MRPS27: variants seen among roughly 807,000 people sequenced by gnomAD.
MRPS27 encodes the protein small ribosomal subunit protein mS27.
A neutral mutation model predicts 48.9 loss-of-function variants in MRPS27; 43 were observed. The observed-to-expected ratio is 0.88, with a 90% CI of 0.69 to 1.13. The LOEUF (loss-of-function observed/expected upper bound fraction) is 1.13, where lower values mean the gene tolerates loss of function less well. Among genes scored for constraint, MRPS27 ranks in the 50% most tolerant of loss-of-function variants. The probability of loss-of-function intolerance (pLI) is 0.00; values close to 1 mark genes in which losing one functional copy is unlikely to be tolerated. For synonymous variants in MRPS27, 188 were observed against 171.9 expected, an observed-to-expected ratio of 1.09 and a Z score of -0.73; for missense variants, 467 against 476.3, an observed-to-expected ratio of 0.98 and a Z score of 0.18.
At chr5:72,228,127 G>A (rs1231805666) in intron 8 of MRPS27, 139 bp downstream of exon 8, 3 of 723,836 alleles carry the variant, frequency 4.1e-6, no homozygotes, top group Non-Finnish European at 7.0e-6. Context: ...GGCCATCAAG[G>A]TCTATTTTTA....
In MRPS27 at chr5:72,290,929, G is replaced by A. The variant is rs146042895; in HGVS notation, c.281+4602C>T. ...CACAGAACCTTTGCTGCTACCACTGGGAAAGAGCATGACTTCTTACCTCAC... is the reference window on the plus strand; with the variant it reads ...CACAGAACCTTTGCTGCTACCACTGAGAAAGAGCATGACTTCTTACCTCAC... On this transcript the variant is annotated intron_variant, in intron 4 of 10. Transcript: ENST00000261413. Among the ~76,000 whole-genome samples the A allele has an allele frequency of 1.1e-4, 16 of 152,212 alleles. No homozygotes were observed. The East Asian group carries it at 2.7e-3, about 26-fold the overall frequency.
intron 4 of MRPS27, chr5:72,241,769 T>C (rs1309713089): frequency 4.3e-5 from 59 of 1,370,120 alleles, no homozygotes; most frequent in Non-Finnish European, 5.8e-5. Flanking sequence ...CTGGCTTTTG[T>C]TCTCGCCTGC....
At chr5:72,286,626 A>G (rs921784172) in intron 4 of MRPS27, among the ~76,000 whole-genome samples, 4 of 152,104 alleles carry the variant, frequency 2.6e-5, no homozygotes, top group African/African-American at 9.7e-5. Context: ...ATTTTGCTCA[A>G]CCGTTTTTAA....
At chr5:72,297,304 C>T (rs547780314) in intron 3 of MRPS27, among the ~76,000 whole-genome samples, 27 of 152,072 alleles carry the variant, frequency 1.8e-4, no homozygotes, top group Non-Finnish European at 3.4e-4. Context: ...CCAATACTAA[C>T]GGGTAAATAT....
At chr5:72,296,236 G>GAA (rs200647191) in intron 3 of MRPS27, among the ~76,000 whole-genome samples, 1 of 149,150 alleles carries the variant, frequency 6.7e-6, no homozygotes, top group African/African-American at 2.5e-5. Context: ...AGGCAAAAAA[G>GAA]AAAAAAAAAG....
At chr5:72,304,296 G>GA (rs1422269599) in intron 2 of MRPS27, among the ~76,000 whole-genome samples, 2 of 151,020 alleles carry the variant, frequency 1.3e-5, no homozygotes, top group East Asian at 3.9e-4. Flanking sequence ...AAAAAATAAA[G>GA]AAAAAAAAGA....
chr5:72,299,513 A>G (rs1027606123), intron 2 of MRPS27, among the ~76,000 whole-genome samples: 1 of 152,252 alleles, frequency 6.6e-6, no homozygotes, highest in Middle Eastern at 3.2e-3. Flanking sequence ...TATTAGCTAT[A>G]TATCAGGTTA....
At chr5:72,236,176 A>T (rs558575438) in intron 5 of MRPS27, among the ~76,000 whole-genome samples, 21 of 152,226 alleles carry the variant, frequency 1.4e-4, no homozygotes, top group African/African-American at 3.9e-4. Context: ...TTATTAAAAA[A>T]TTTTTTTAAA....
chr5:72,241,810 G>A, intron 4 of MRPS27: 1 of 877,894 alleles, frequency 1.1e-6, no homozygotes. Context: ...ATTACAGCCA[G>A]CCACTGTAGG....
At chr5:72,223,545 A>G (rs1421267111) in intron 10 of MRPS27, 138 bp downstream of exon 10, 3 of 1,071,402 alleles carry the variant, frequency 2.8e-6, no homozygotes, top group South Asian at 3.2e-5. Flanking sequence ...TGTGCAAAGC[A>G]ATAAAAATGT....
chr5:72,284,315 C>T (rs918887337), intron 4 of MRPS27, among the ~76,000 whole-genome samples: 1 of 150,158 alleles, frequency 6.7e-6, no homozygotes, highest in Non-Finnish European at 1.5e-5. Context: ...TCCTAGCTAC[C>T]TGGGAGGCTG....
intron 4 of MRPS27, among the ~76,000 whole-genome samples, chr5:72,239,603 A>T (rs979233244): frequency 1.3e-5 from 2 of 152,176 alleles, no homozygotes; most frequent in Non-Finnish European, 2.9e-5. Context: ...ACTCAATCTT[A>T]TAAGATCTTC....
At chr5:72,304,091 ATG>A (rs1330039462) in intron 2 of MRPS27, among the ~76,000 whole-genome samples, 1 of 151,714 alleles carries the variant, frequency 6.6e-6, no homozygotes, top group Non-Finnish European at 1.5e-5. Context: ...ATATGGTTAG[ATG>A]TGTGTGTGTG....
At position 72,261,928 on chromosome 5, in the gene MRPS27, G is replaced by A. The variant is rs112385947; in HGVS notation, c.282-23800C>T. 1.2e-3 allele frequency among the ~76,000 whole-genome samples: 185 copies of A among 152,290 alleles called. 1 individual carries two copies. Among genetic ancestry groups the A allele is most frequent in the African/African-American group, 4.2e-3 (174 of 41,564 alleles). ...GGCAGAGTCACGACTGCTGAAATGA[G>A]TCCCAGGACCAAAGGGTGATGCCTG... On this transcript the variant is annotated intron_variant, in intron 4 of 10. Transcript: ENST00000261413.
Position 72,274,289 on chromosome 5 carries a change from G to A in MRPS27, c.281+21242C>T, listed in dbSNP as rs371614331. 2.0e-5 allele frequency among the ~76,000 whole-genome samples: 3 copies of A among 152,332 alleles called. 1 individual carries two copies. The highest frequency in any genetic ancestry group is 7.2e-5 in the African/African-American group (3 of 41,568). On this transcript the variant is annotated intron_variant, in intron 4 of 10. Transcript: ENST00000261413. ...GAATCGCTTGAACCCAAGAGGCAGA[G>A]GTTGCAGTGAGCAGAGATCGCTCCA...
chr5:72,255,089 A>G (rs1216726572), intron 4 of MRPS27, among the ~76,000 whole-genome samples: 1 of 111,816 alleles, frequency 8.9e-6, no homozygotes, highest in Non-Finnish European at 1.6e-5. Flanking sequence ...CCCAGGCTGT[A>G]GTGCAGTGGC....
intron 4 of MRPS27, among the ~76,000 whole-genome samples, chr5:72,293,535 C>G (rs1239537758): frequency 2.0e-5 from 3 of 152,156 alleles, no homozygotes; most frequent in Admixed American, 2.0e-4. Flanking sequence ...CCACACAAAA[C>G]TGAACATCAT....
intron 2 of MRPS27, among the ~76,000 whole-genome samples, chr5:72,302,021 C>A (rs998594660): frequency 6.6e-6 from 1 of 152,160 alleles, no homozygotes; most frequent in Admixed American, 6.5e-5. Flanking sequence ...CTATTCAGCT[C>A]CTCAGGAATA....
chr5:72,238,214 A>G, intron 4 of MRPS27, 86 bp from the exon 5 acceptor site: 1 of 837,292 alleles, frequency 1.2e-6, no homozygotes, highest in Non-Finnish European at 2.0e-6. Flanking sequence ...TCTCTTAGAT[A>G]CTTACAGAGT....
Sources: gnomAD v4.1 joint callset for allele counts (sites outside exome capture counted in the v4.1 genomes callset) on GRCh38, gnomAD v4.1.1 for gene constraint, MANE v1.5 for transcripts, NCBI Gene and HGNC (gene_info 2026-07-23, HGNC 2026-07-21) for gene names.